SLCO6A1: variants seen among roughly 807,000 people sequenced by gnomAD.
SLCO6A1 encodes the protein cancer/testis antigen 48.
A neutral mutation model predicts 72.7 loss-of-function variants in SLCO6A1; 65 were observed. The observed-to-expected ratio is 0.89, with a 90% confidence interval of 0.73 to 1.10. SLCO6A1 has a LOEUF of 1.10. SLCO6A1 is among the 50% of genes least tolerant of loss of function. The pLI is 0.00. For synonymous variants in SLCO6A1, 314 were observed against 298.2 expected, an observed-to-expected ratio of 1.05 and a Z score of -0.55; for missense variants, 874 against 872.6, an observed-to-expected ratio of 1.00 and a Z score of -0.02.
chr5:102,472,732 G>C (rs973374752), intron 4 of SLCO6A1, among the ~76,000 whole-genome samples: 1 of 150,962 alleles, frequency 6.6e-6, no homozygotes, highest in African/African-American at 2.4e-5. Flanking sequence ...ACAAACCTTG[G>C]CCAGAGAAAT....
At chr5:102,379,575 G>T (rs1300753961) in intron 12 of SLCO6A1, among the ~76,000 whole-genome samples, 1 of 151,994 alleles carries the variant, frequency 6.6e-6, no homozygotes, top group Admixed American at 6.5e-5. Flanking sequence ...ATGAAGGTTT[G>T]TTTCTGATTT....
chr5:102,466,569 T>G (rs1425403428), intron 4 of SLCO6A1, among the ~76,000 whole-genome samples: 1 of 152,202 alleles, frequency 6.6e-6, no homozygotes, highest in African/African-American at 2.4e-5. Context: ...GAATGGTATT[T>G]CAGTCTCTAG....
chr5:102,447,849 T>A (rs573029782), intron 6 of SLCO6A1, among the ~76,000 whole-genome samples: 1 of 152,300 alleles, frequency 6.6e-6, no homozygotes, highest in Non-Finnish European at 1.5e-5. Context: ...GATCTTTTTA[T>A]GGTTTTTCTC....
intron 12 of SLCO6A1, among the ~76,000 whole-genome samples, chr5:102,388,343 A>T (rs1746531403): frequency 1.3e-5 from 2 of 151,566 alleles, no homozygotes; most frequent in African/African-American, 4.8e-5. Flanking sequence ...TTATTTTTTT[A>T]TTTTTTGTTT....
chr5:102,381,043 G>GT (rs1746076808), intron 12 of SLCO6A1, among the ~76,000 whole-genome samples: 1 of 151,840 alleles, frequency 6.6e-6, no homozygotes, highest in African/African-American at 2.4e-5. Flanking sequence ...TTAAATCAAT[G>GT]TATTTAATAT....
intron 6 of SLCO6A1, among the ~76,000 whole-genome samples, chr5:102,453,384 T>A (rs1417111547): frequency 7.9e-5 from 12 of 152,036 alleles, no homozygotes; most frequent in African/African-American, 2.9e-4. Flanking sequence ...GCAAACATTT[T>A]AAAAATTCTT....
chr5:102,477,610 A>G, intron 3 of SLCO6A1, 66 bp downstream of exon 3: 1 of 1,348,892 alleles, frequency 7.4e-7, no homozygotes, highest in Non-Finnish European at 1.0e-6. Context: ...ATCAGCTTAG[A>G]TATGCATACC....
intron 12 of SLCO6A1, among the ~76,000 whole-genome samples, chr5:102,385,443 T>C (rs537651988): frequency 7.9e-5 from 12 of 152,234 alleles, no homozygotes; most frequent in Admixed American, 3.3e-4. Flanking sequence ...AATGCATAGA[T>C]TGGTTTGCTT....
In SLCO6A1 at chr5:102,399,944, CTGTGTGTGTG is replaced by C. The variant is rs34032591; in HGVS notation, c.1627-212_1627-203del. ...CAAGGTATTTTACATGGCAAAAAAT[CTGTGTGTGTG>C]TGTGTGTGTGTGTAATTATAATTAC... On this transcript the variant is annotated intron_variant, in intron 9 of 13. Coordinates refer to ENST00000506729, the MANE Select transcript of SLCO6A1 (RefSeq NM_173488.5). 5.6e-3 allele frequency among the ~76,000 whole-genome samples: 838 copies of C among 149,958 alleles called. 3 individuals carry two copies. Among genetic ancestry groups the C allele is most frequent in the Middle Eastern group, 0.02 (6 of 294 alleles).
In SLCO6A1 at chr5:102,477,777, AG is replaced by A; in HGVS notation, c.700del (p.Gln236ArgfsTer6). The stretch of plus-strand genomic sequence containing the variant: ...TGCTATTCCCTGCACAGTCTGCCCA[AG>A]GATGAAGAAAGACAGGTATTTTGAT... Reference protein sequence around the residue: ...FQSKYLSFFILGQTVQGIAGM... With the variant: ...FQSKYLSFFIXGQTVQGIAGM... On this transcript the variant is annotated frameshift_variant, in exon 3 of 14. Coordinates refer to ENST00000506729, the MANE Select transcript of SLCO6A1 (RefSeq NM_173488.5). LOFTEE classifies it high-confidence loss of function. 1 of 1,613,822 alleles carries A rather than the reference AG, an allele frequency of 6.2e-7. No homozygotes were observed. The highest frequency in any genetic ancestry group is 8.5e-7 in the Non-Finnish European group (1 of 1,179,816).
chr5:102,387,152 G>A (rs1338549560), intron 12 of SLCO6A1, among the ~76,000 whole-genome samples: 1 of 152,022 alleles, frequency 6.6e-6, no homozygotes. Flanking sequence ...CTAATCCCTG[G>A]AATTCTAATT....
At chr5:102,432,535 T>G (rs1399458804) in intron 7 of SLCO6A1, among the ~76,000 whole-genome samples, 8 of 152,212 alleles carry the variant, frequency 5.3e-5, no homozygotes, top group Non-Finnish European at 1.0e-4. Context: ...GAATTTCTTT[T>G]CTTTTAGAAT....
At chr5:102,494,602 C>T (rs1380186713) in intron 1 of SLCO6A1, among the ~76,000 whole-genome samples, 1 of 152,066 alleles carries the variant, frequency 6.6e-6, no homozygotes, top group African/African-American at 2.4e-5. Flanking sequence ...TATTAAAGGG[C>T]ACTTCACAAA....
chr5:102,421,864 C>T (rs1748626651), intron 7 of SLCO6A1, among the ~76,000 whole-genome samples: 1 of 152,210 alleles, frequency 6.6e-6, no homozygotes, highest in Admixed American at 6.5e-5. Flanking sequence ...ACACTTCATA[C>T]AGGAGAGCTC....
At chr5:102,449,676 G>A (rs914546083) in intron 6 of SLCO6A1, among the ~76,000 whole-genome samples, 9 of 152,066 alleles carry the variant, frequency 5.9e-5, no homozygotes, top group African/African-American at 2.2e-4. Flanking sequence ...GTGAGCCACC[G>A]TCCTGATTTT....
chr5:102,382,676 A>T (rs1746174562), intron 12 of SLCO6A1, among the ~76,000 whole-genome samples: 1 of 151,170 alleles, frequency 6.6e-6, no homozygotes, highest in Non-Finnish European at 1.5e-5. Flanking sequence ...ATCTCTTATG[A>T]TTTTCAACAT....
intron 3 of SLCO6A1, among the ~76,000 whole-genome samples, chr5:102,477,359 A>G (rs1751954500): frequency 6.6e-6 from 1 of 151,982 alleles, no homozygotes; most frequent in East Asian, 1.9e-4. Flanking sequence ...CCTGACCTCA[A>G]GTGATCTGCC....
chr5:102,439,496 C>T (rs1437462999), intron 6 of SLCO6A1, among the ~76,000 whole-genome samples: 4 of 152,004 alleles, frequency 2.6e-5, no homozygotes, highest in Non-Finnish European at 5.9e-5. Flanking sequence ...TTTTCTGGCC[C>T]TAAACATCCC....
At chr5:102,401,991 T>C (rs1747422202) in intron 9 of SLCO6A1, among the ~76,000 whole-genome samples, 1 of 151,752 alleles carries the variant, frequency 6.6e-6, no homozygotes, top group Non-Finnish European at 1.5e-5. Flanking sequence ...AAATAAAAAA[T>C]ACAACGAAGG....
Sources: allele counts gnomAD v4.1 joint callset (sites outside exome capture counted in the v4.1 genomes callset), GRCh38; gene constraint gnomAD v4.1.1; transcripts MANE v1.5; gene names NCBI Gene and HGNC (gene_info 2026-07-23, HGNC 2026-07-21).